PPP4R3B: variants seen among roughly 807,000 people sequenced by gnomAD.
PPP4R3B encodes serine/threonine-protein phosphatase 4 regulatory subunit 3B.
In PPP4R3B, 52 loss-of-function variants were observed where a neutral mutation model predicts 95.4. The ratio of observed to expected loss-of-function variants is 0.54; its 90% CI spans 0.44 to 0.69. The LOEUF (loss-of-function observed/expected upper bound fraction) is 0.69, where lower values mean the gene tolerates loss of function less well. Ranked by LOEUF, PPP4R3B falls within the 30% of genes least tolerant of loss-of-function variation. The pLI is 0.00. For synonymous variants in PPP4R3B, 407 were observed against 343.9 expected (o/e 1.18, Z -2.03); for missense variants, 1,003 against 1,005.9 (o/e 1.00, Z 0.04).
intron 8 of PPP4R3B, among the ~76,000 whole-genome samples, chr2:55,580,945 T>A (rs1029007490): frequency 6.6e-6 from 1 of 152,138 alleles, no homozygotes; most frequent in Non-Finnish European, 1.5e-5. Context: ...TCACGCAACA[T>A]AAAACTTGCT....
intron 6 of PPP4R3B, among the ~76,000 whole-genome samples, chr2:55,585,429 C>T (rs1478920338): frequency 2.6e-5 from 4 of 152,058 alleles, no homozygotes; most frequent in Non-Finnish European, 2.9e-5. Context: ...AGAATTGGCA[C>T]AGGATTATAA....
At chr2:55,591,625 T>G (rs1691037547) in intron 4 of PPP4R3B, 6 of 984,764 alleles carry the variant, frequency 6.1e-6, no homozygotes, top group Non-Finnish European at 7.2e-6. Context: ...AAGTTCCAAC[T>G]CCTTGATAAA....
intron 15 of PPP4R3B, among the ~76,000 whole-genome samples, chr2:55,559,465 A>AC (rs1168215026): frequency 5.3e-5 from 8 of 152,186 alleles, no homozygotes; most frequent in Non-Finnish European, 1.2e-4. Flanking sequence ...CTGTGTCCCC[A>AC]CCCAAATCGC....
chr2:55,599,369 T>A (rs905201395), intron 3 of PPP4R3B, among the ~76,000 whole-genome samples: 6 of 152,062 alleles, frequency 3.9e-5, no homozygotes, highest in African/African-American at 1.4e-4. Flanking sequence ...ACCTGGAAGG[T>A]GGAGGTTGCA....
rs1685058306 is a variant in PPP4R3B, at chr2:55,549,964, C to T, written c.2497G>A (p.Glu833Lys). 1.2e-6 allele frequency: 2 copies of T among 1,613,326 alleles called. No homozygotes were observed. The highest frequency in any genetic ancestry group is 1.7e-6 in the Non-Finnish European group (2 of 1,179,838). The change falls in exon 17 of 17, where the codon GAA becomes AAA. Residue 833 changes from glutamate (E) to lysine (K), a missense_variant. Coordinates refer to ENST00000616407, the MANE Select transcript of PPP4R3B (RefSeq NM_001122964.3). ...GGGGACGATTCTTCTTCTTCATCTT[C>T]CTCTTCATCATCTGGATAATCCACT... ...GLVDYPDDEE[E>K]DEEEESSPRK...
chr2:55,614,099 A>C (rs965288551), intron 2 of PPP4R3B: 5 of 152,218 alleles, frequency 3.3e-5, no homozygotes, highest in Admixed American at 2.6e-4. Context: ...TGAAAATTTT[A>C]AAGTATTTCA....
chr2:55,609,174 G>C (rs1197789297), intron 2 of PPP4R3B, among the ~76,000 whole-genome samples: 1 of 151,836 alleles, frequency 6.6e-6, no homozygotes, highest in Non-Finnish European at 1.5e-5. Context: ...TAATTCATCT[G>C]ATTTTTTTTT....
At chr2:55,613,366 G>A (rs1186930175) in intron 2 of PPP4R3B, among the ~76,000 whole-genome samples, 62 of 143,630 alleles carry the variant, frequency 4.3e-4, no homozygotes, top group Non-Finnish European at 7.7e-4. Context: ...AAAAAAAAAA[G>A]CCCAACGAAA....
chr2:55,590,725 T>C (rs1311753416), intron 4 of PPP4R3B, among the ~76,000 whole-genome samples: 1 of 152,244 alleles, frequency 6.6e-6, no homozygotes, highest in South Asian at 2.1e-4. Context: ...CAATAGTATC[T>C]GTAGAGTTGA....
intron 13 of PPP4R3B, chr2:55,567,933 T>A (rs547340426): frequency 5.2e-6 from 1 of 193,812 alleles, no homozygotes; most frequent in South Asian, 1.9e-4. Flanking sequence ...ACTTTTATAT[T>A]TCACAATTAA....
At chr2:55,569,341 GA>G (rs1406952997) in intron 12 of PPP4R3B, among the ~76,000 whole-genome samples, 1 of 152,082 alleles carries the variant, frequency 6.6e-6, no homozygotes, top group Non-Finnish European at 1.5e-5. Context: ...GGGGAGTTTA[GA>G]GAAGACTCTA....
Position 55,589,670 on chromosome 2 carries a change from C to T in PPP4R3B, c.922-714G>A, listed in dbSNP as rs59809627. 7.5e-3 allele frequency among the ~76,000 whole-genome samples: 1,138 copies of T among 152,110 alleles called. 22 individuals are homozygous for T. The highest frequency in any genetic ancestry group is 0.026 in the African/African-American group (1,081 of 41,496). On this transcript the variant is annotated intron_variant, in intron 4 of 16. Transcript: ENST00000616407. Reference sequence around the variant, plus strand: ...GTGGCTCACGCCCGTAATCCCAGCACTTTGGAAGGCCGAGGCGGGCGGATC... The same window carrying T: ...GTGGCTCACGCCCGTAATCCCAGCATTTTGGAAGGCCGAGGCGGGCGGATC...
intron 5 of PPP4R3B, among the ~76,000 whole-genome samples, chr2:55,587,781 G>C (rs1045277552): frequency 3.9e-5 from 6 of 152,148 alleles, no homozygotes; most frequent in Non-Finnish European, 5.9e-5. Flanking sequence ...ACTGGTTTAA[G>C]GACTGAAATG....
intron 15 of PPP4R3B, among the ~76,000 whole-genome samples, chr2:55,561,396 C>G (rs1027612547): frequency 3.9e-5 from 6 of 152,184 alleles, no homozygotes; most frequent in Admixed American, 3.9e-4. Flanking sequence ...AGGTTGGAGC[C>G]CCCACATAGA....
intron 10 of PPP4R3B, among the ~76,000 whole-genome samples, 156 bp from the exon 11 acceptor site, chr2:55,577,512 T>C (rs1688845410): frequency 6.6e-6 from 1 of 152,142 alleles, no homozygotes; most frequent in South Asian, 2.1e-4. Flanking sequence ...AAATTATAAC[T>C]ATATCTGCAA....
chr2:55,597,548 G>C (rs1346998872), intron 4 of PPP4R3B, among the ~76,000 whole-genome samples: 1 of 152,154 alleles, frequency 6.6e-6, no homozygotes, highest in Non-Finnish European at 1.5e-5. Context: ...CGTGAACCCG[G>C]GAGGCGGAGC....
chr2:55,612,599 A>G (rs931995212), intron 2 of PPP4R3B, among the ~76,000 whole-genome samples: 1 of 152,058 alleles, frequency 6.6e-6, no homozygotes, highest in African/African-American at 2.4e-5. Flanking sequence ...TAAAGGTGCA[A>G]ATTTAGCCTG....
chr2:55,581,866 A>G (rs867955610), intron 7 of PPP4R3B, among the ~76,000 whole-genome samples, 168 bp from the exon 8 acceptor site: 2 of 152,100 alleles, frequency 1.3e-5, no homozygotes, highest in Non-Finnish European at 2.9e-5. Context: ...GTTCTATAAA[A>G]TACTACACAC....
intron 16 of PPP4R3B, 86 bp from the exon 17 acceptor site, chr2:55,550,092 C>T (rs1574640872): frequency 1.2e-6 from 1 of 855,392 alleles, no homozygotes; most frequent in Non-Finnish European, 1.8e-6. Context: ...GTAAAAATAT[C>T]AGAAATCGTT....
Sources: allele counts gnomAD v4.1 joint callset (sites outside exome capture counted in the v4.1 genomes callset), GRCh38; gene constraint gnomAD v4.1.1; transcripts MANE v1.5; gene names NCBI Gene and HGNC (gene_info 2026-07-23, HGNC 2026-07-21).